Variants in ATP2B3 observed in about 807,000 individuals in gnomAD.
The protein encoded by ATP2B3 is plasma membrane calcium-transporting ATPase 3.
ATP2B3 carries 12 observed loss-of-function variants against 70.8 expected under a neutral mutation model. That is an observed-to-expected ratio of 0.17 (90% CI 0.11 to 0.27). ATP2B3 has a LOEUF of 0.27. ATP2B3 is among the 10% of genes least tolerant of loss of function. The probability of loss-of-function intolerance (pLI) is 1.00; values close to 1 mark genes in which losing one functional copy is unlikely to be tolerated. For synonymous variants in ATP2B3, 460 were observed against 497.8 expected (o/e 0.92, Z 1.01); for missense variants, 858 against 1,118.5 (o/e 0.77, Z 3.32).
chrX:153,562,301 C>A, intron 20 of ATP2B3, 59 bp downstream of exon 20: 1 of 1,059,116 alleles, frequency 9.4e-7, no homozygotes, highest in Non-Finnish European at 1.3e-6. Flanking sequence ...CTGTGATGGG[C>A]CCACTTGCCC....
rs1484866686 is a variant in ATP2B3 at position 153,582,640 on chromosome X, A to T, written c.*2342A>T. The T allele has an allele frequency of 8.9e-6, 1 of 112,800 alleles. No individual in the cohort carries two copies. Among genetic ancestry groups the T allele is most frequent in the Non-Finnish European group, 1.9e-5 (1 of 53,313 alleles). The allele number at this position is 112,800 out of a possible 1,213,427, so 9.3% of individuals were successfully genotyped here. A position where few individuals can be genotyped will look rare whatever the true frequency, so the allele number is the denominator to read the frequency against. ...TGGAGTTCAGAAACGGGGTACCATG[A>T]CCTGGAATCTTTTGCTCTTGTTTTT... On this transcript the variant is annotated 3_prime_UTR_variant, in exon 22 of 22. Coordinates refer to ENST00000263519, the MANE Select transcript of ATP2B3 (RefSeq NM_001001344.3).
chrX:153,543,950 G>A (rs2090326318), intron 7 of ATP2B3, among the ~76,000 whole-genome samples: 1 of 110,624 alleles, frequency 9.0e-6, no homozygotes, highest in Non-Finnish European at 1.9e-5. Flanking sequence ...GTGTGGGGGC[G>A]TGGGGGCGTG....
At position 153,543,133 on chromosome X, in the gene ATP2B3, C is replaced by T. The variant is rs782566063; in HGVS notation, c.881C>T (p.Ala294Val). 9 of 1,211,581 alleles carry T rather than the reference C, an allele frequency of 7.4e-6. No homozygotes were observed. Among genetic ancestry groups the T allele is most frequent in the Admixed American group, 2.2e-5 (1 of 46,048 alleles). ...QTGIIFTLLGAGGEEEEKKDK... is the reference protein window; with the variant it reads ...QTGIIFTLLGVGGEEEEKKDK... Reference sequence around the variant, plus strand: ...GGCATCATCTTCACGCTGCTTGGAGCTGGCGGAGAGGAGGAAGAGAAGAAA... The same window carrying T: ...GGCATCATCTTCACGCTGCTTGGAGTTGGCGGAGAGGAGGAAGAGAAGAAA... The change falls in exon 7 of 22, where the codon GCT (alanine) becomes GTT (valine). Residue 294 changes from alanine (A) to valine (V), a missense_variant. This residue lies in a region of ATP2B3 where 278 missense variants were observed against 366.2 expected (regional missense o/e 0.76). Transcript: ENST00000263519.
chrX:153,538,394 G>A (rs1183617956), intron 3 of ATP2B3, among the ~76,000 whole-genome samples: 6 of 112,845 alleles, frequency 5.3e-5, no homozygotes, highest in African/African-American at 1.3e-4. Context: ...ATCTTCTGGC[G>A]GTACACTCAT....
At chrX:153,574,827 G>A (rs1277217126) in intron 21 of ATP2B3, 2 of 329,066 alleles carry the variant, frequency 6.1e-6, no homozygotes, top group African/African-American at 5.3e-5. Flanking sequence ...GCCGGCAGTG[G>A]CATCGCACAT....
rs781860414 is a variant in ATP2B3 at position 153,550,225 on chromosome X, C to T, written c.1762C>T (p.Arg588Cys). ...SVRKSMSTVI[R>C]MPDGGFRLFS... ...CCGCAAGTCCATGAGCACAGTCATC[C>T]GCATGCCCGACGGTGGCTTCCGCCT... The change falls in exon 12 of 22, where the codon CGC becomes TGC. Residue 588 changes from arginine (R) to cysteine (C), a missense_variant. This residue lies in a region of ATP2B3 where 242 missense variants were observed against 281.3 expected (regional missense o/e 0.86). Transcript: ENST00000263519. The T allele has an allele frequency of 1.8e-5, 22 of 1,211,359 alleles. No homozygotes were observed. Among genetic ancestry groups the T allele is most frequent in the African/African-American group, 1.0e-4 (6 of 57,603 alleles).
Position 153,549,710 on chromosome X carries a change from A to G in ATP2B3, c.1552A>G (p.Ile518Val), listed in dbSNP as rs781840514. 1.7e-6 allele frequency: 2 copies of G among 1,211,672 alleles called. No individual in the cohort carries two copies. The highest frequency in any genetic ancestry group is 2.2e-5 in the Admixed American group (1 of 46,091). ...ILDLLVHAIS[I>V]NSAYTTKILP... ...CGACCTCCTGGTCCATGCCATCTCCATCAACAGTGCCTATACCACCAAAAT... is the reference window on the plus strand; with the variant it reads ...CGACCTCCTGGTCCATGCCATCTCCGTCAACAGTGCCTATACCACCAAAAT... The change falls in exon 11 of 22, where the codon ATC becomes GTC. Residue 518 changes from isoleucine to valine, a missense_variant. Transcript: ENST00000263519.
At chrX:153,537,098 C>G (rs782065480) in intron 3 of ATP2B3, among the ~76,000 whole-genome samples, 1 of 112,919 alleles carries the variant, frequency 8.9e-6, no homozygotes, top group Non-Finnish European at 1.9e-5. Flanking sequence ...CTAGAAAGCC[C>G]GGTGAGCACT....
chrX:153,553,155 C>A lies in ATP2B3; in HGVS notation c.1944C>A (p.Ile648=), dbSNP rs569257040. The change falls in exon 13 of 22, where the codon ATC becomes ATA. Residue 648 remains isoleucine (I), a synonymous_variant. Coordinates refer to ENST00000263519, the MANE Select transcript of ATP2B3 (RefSeq NM_001001344.3). The stretch of plus-strand genomic sequence containing the variant: ...GCGATGGCCTCCGCACCATCTGCAT[C>A]GCCTACCGGGACTTCTCTGCAGGCC... ...MACDGLRTIC[I]AYRDFSAGQE... is the part of the protein sequence containing the mutation. 15 of 1,211,743 alleles carry A rather than the reference C, an allele frequency of 1.2e-5. No individual in the cohort carries two copies. Among genetic ancestry groups the A allele is most frequent in the Non-Finnish European group, 1.7e-5 (15 of 895,392 alleles).
intron 2 of ATP2B3, among the ~76,000 whole-genome samples, chrX:153,528,692 C>T (rs369272919): frequency 1.8e-5 from 2 of 112,086 alleles, no homozygotes; most frequent in South Asian, 7.5e-4. Context: ...GCTACTTAGC[C>T]CTCAGGAATC....
intron 13 of ATP2B3, among the ~76,000 whole-genome samples, chrX:153,553,504 G>C (rs906892417): frequency 8.9e-6 from 1 of 112,254 alleles, no homozygotes; most frequent in Non-Finnish European, 1.9e-5. Context: ...CTTCTACCAG[G>C]TGAGAAGGTG....
intron 11 of ATP2B3, 91 bp from the exon 12 acceptor site, chrX:153,549,954 G>C: frequency 2.9e-5 from 33 of 1,155,341 alleles, no homozygotes; most frequent in Non-Finnish European, 3.8e-5. Flanking sequence ...TAACAATGTG[G>C]TGACCACGAG....
chrX:153,530,937 C>T (rs1385546617), intron 2 of ATP2B3, among the ~76,000 whole-genome samples: 2 of 112,369 alleles, frequency 1.8e-5, no homozygotes, highest in Non-Finnish European at 3.8e-5. Context: ...GGAGCTGCAG[C>T]GACGGTGCCT....
intron 2 of ATP2B3, among the ~76,000 whole-genome samples, chrX:153,523,412 G>A (rs2089985865): frequency 8.9e-6 from 1 of 112,179 alleles, no homozygotes; most frequent in Admixed American, 9.4e-5. Flanking sequence ...GCTCTTATGC[G>A]TGAGCTCTGC....
In ATP2B3 at chrX:153,528,675, C is replaced by T. The variant is rs1379777500; in HGVS notation, c.-126-7447C>T. Reference sequence around the variant, plus strand: ...GTCTAGGTGGGCAACCTAGGGCCAGCGCAACAGCTACTTAGCCCTCAGGAA... The same window carrying T: ...GTCTAGGTGGGCAACCTAGGGCCAGTGCAACAGCTACTTAGCCCTCAGGAA... On this transcript the variant is annotated intron_variant, in intron 2 of 21. Coordinates refer to ENST00000263519, the MANE Select transcript of ATP2B3 (RefSeq NM_001001344.3). Among the ~76,000 whole-genome samples, 6 of 112,027 alleles carry T rather than the reference C, an allele frequency of 5.4e-5. 1 individual carries two copies. Among genetic ancestry groups the T allele is most frequent in the African/African-American group, 6.5e-5 (2 of 30,765 alleles).
Position 153,547,831 on chromosome X carries a change from G to A in ATP2B3, c.959-4G>A. On this transcript the variant is annotated splice_region_variant and splice_polypyrimidine_tract_variant and intron_variant, in intron 8 of 21. Coordinates refer to ENST00000263519, the MANE Select transcript of ATP2B3 (RefSeq NM_001001344.3). ...CCTTGGCCATGGGGTTCCTCTGTGT[G>A]CAGCTAAGAAGCAGGATGGTGCAGT... The A allele has an allele frequency of 5.1e-6, 6 of 1,187,259 alleles. No individual in the cohort carries two copies. The highest frequency in any genetic ancestry group is 6.1e-5 in the East Asian group (2 of 32,982).
In ATP2B3 at chrX:153,543,087, G is replaced by A. The variant is rs781838590; in HGVS notation, c.835G>A (p.Val279Ile). The A allele has an allele frequency of 3.3e-6, 4 of 1,211,151 alleles. No homozygotes were observed. Among genetic ancestry groups the A allele is most frequent in the East Asian group, 3.0e-5 (1 of 33,766 alleles). ...TTCTGGAAGAATGGTGGTGACCGCC[G>A]TTGGCGTGAATTCCCAGACAGGCAT... The part of the protein sequence containing the change: ...EGSGRMVVTA[V>I]GVNSQTGIIF... Residue 279 changes from valine to isoleucine, a missense_variant, in exon 7 of 22, where the codon GTT (valine) becomes ATT (isoleucine). Transcript: ENST00000263519.
In ATP2B3 at chrX:153,572,469, C is replaced by T. The variant is rs782355242; in HGVS notation, c.3342+7366C>T. On this transcript the variant is annotated intron_variant, in intron 21 of 21. Transcript: ENST00000263519. ...TAGCATGACATCCCCTCACCCTGTG[C>T]CCCTGGGGCCAATGCAGGAAGTAGC... Among the ~76,000 whole-genome samples the T allele has an allele frequency of 9.8e-5, 11 of 112,451 alleles. 1 individual carries two copies. The South Asian group carries it at 4.0e-3, about 41-fold the overall frequency.
chrX:153,555,380 A>G (rs1603087779), intron 13 of ATP2B3, among the ~76,000 whole-genome samples: 3 of 111,160 alleles, frequency 2.7e-5, no homozygotes, highest in Admixed American at 9.4e-5. Context: ...CTAGGCTTCT[A>G]CACTTACCCG....
Sources: gnomAD v4.1 joint callset for allele counts (sites outside exome capture counted in the v4.1 genomes callset) on GRCh38, gnomAD v4.1.1 for gene constraint, gnomAD v4.1.1 regional missense constraint, MANE v1.5 for transcripts, NCBI Gene and HGNC (gene_info 2026-07-23, HGNC 2026-07-21) for gene names.